ALPL: variants seen among roughly 807,000 people sequenced by gnomAD.
ALPL encodes the protein alkaline phosphatase, tissue-nonspecific isozyme.
ALPL carries 42 observed loss-of-function variants against 51.3 expected under a neutral mutation model. The observed-to-expected ratio is 0.82, with a 90% CI of 0.64 to 1.06. The LOEUF is 1.06. Among genes scored for constraint, ALPL ranks in the 50% least tolerant of loss-of-function variants. The pLI, the probability that ALPL is intolerant of heterozygous loss-of-function variation, is 0.00. For synonymous variants in ALPL, 279 were observed against 296.4 expected, an observed-to-expected ratio of 0.94 and a Z score of 0.60; for missense variants, 589 against 709.4, an observed-to-expected ratio of 0.83 and a Z score of 1.93.
At chr1:21,539,711 G>A (rs1644156411) in intron 1 of ALPL, among the ~76,000 whole-genome samples, 1 of 148,824 alleles carries the variant, frequency 6.7e-6, no homozygotes, top group South Asian at 2.1e-4. Flanking sequence ...CTGGAGTGCA[G>A]TGGCACGATC....
At chr1:21,511,152 C>T (rs1643679913) in intron 1 of ALPL, among the ~76,000 whole-genome samples, 1 of 152,218 alleles carries the variant, frequency 6.6e-6, no homozygotes, top group Non-Finnish European at 1.5e-5. Context: ...CAAAAGCCCT[C>T]TTCTGGATTG....
chr1:21,521,840 A>G (rs1277719032), intron 1 of ALPL, among the ~76,000 whole-genome samples: 2 of 152,092 alleles, frequency 1.3e-5, no homozygotes, highest in Non-Finnish European at 2.9e-5. Context: ...AATTTCTTTA[A>G]TAATAATAAT....
At chr1:21,554,799 G>GTCTTTCTTTCTT (rs1304886870) in intron 2 of ALPL, among the ~76,000 whole-genome samples, 9 of 41,334 alleles carry the variant, frequency 2.2e-4, no homozygotes, top group East Asian at 6.1e-4. Flanking sequence ...CTGTCTGTCT[G>GTCTTTCTTTCTT]TCTGTCTGTC....
intron 1 of ALPL, among the ~76,000 whole-genome samples, chr1:21,528,940 G>T (rs1284664887): frequency 6.6e-6 from 1 of 151,550 alleles, no homozygotes; most frequent in Non-Finnish European, 1.5e-5. Context: ...TGTGGTGGTG[G>T]GCGCCTGTAA....
chr1:21,522,987 A>G (rs142998906), intron 1 of ALPL, among the ~76,000 whole-genome samples: 98 of 152,354 alleles, frequency 6.4e-4, no homozygotes, highest in Non-Finnish European at 1.2e-3. Flanking sequence ...AGCCAGGCTC[A>G]GAAATAAGCT....
Position 21,561,081 on chromosome 1 carries a change from C to A in ALPL, c.182-16C>A. 1 of 1,593,826 alleles carries A rather than the reference C, an allele frequency of 6.3e-7. No homozygotes were observed. On this transcript the variant is annotated splice_polypyrimidine_tract_variant and intron_variant, in intron 3 of 11. Coordinates refer to ENST00000374840, the MANE Select transcript of ALPL (RefSeq NM_000478.6). ...GCAGGAGCACGAGAGACTGAGGCCC[C>A]CACTCCCCACTGCAGGGATGGGTGT...
At chr1:21,542,162 G>C (rs1314881164) in intron 1 of ALPL, among the ~76,000 whole-genome samples, 3 of 152,188 alleles carry the variant, frequency 2.0e-5, no homozygotes, top group African/African-American at 7.2e-5. Context: ...CCTTCCCTAT[G>C]ACTCTGCAGC....
rs569637237 is a variant in ALPL at position 21,518,853 on chromosome 1, G to A, written c.-105+9336G>A. Among the ~76,000 whole-genome samples the A allele has an allele frequency of 3.9e-5, 6 of 152,182 alleles. No homozygotes were observed. The South Asian group carries it at 1.2e-3, about 32-fold the overall frequency. ...GAACTTGGCTTCACTGTGACAGTGG[G>A]ACCACCTGGGCCCTACAGTGTGGCA... On this transcript the variant is annotated intron_variant, in intron 1 of 11. Coordinates refer to ENST00000374840, the MANE Select transcript of ALPL (RefSeq NM_000478.6).
At chr1:21,570,215 G>T in intron 7 of ALPL, 90 bp from the exon 8 acceptor site, 1 of 1,326,096 alleles carries the variant, frequency 7.5e-7, no homozygotes. Flanking sequence ...AAGGAAACAA[G>T]TAAAGGCCTC....
At chr1:21,573,097 G>A (rs920194247) in intron 8 of ALPL, among the ~76,000 whole-genome samples, 8 of 152,200 alleles carry the variant, frequency 5.3e-5, no homozygotes, top group Non-Finnish European at 8.8e-5. Context: ...TCTGTGAAAC[G>A]GGCATGGTGA....
rs769948289 is a variant in ALPL, at chr1:21,568,111, TG to T, written c.662del (p.Gly221ValfsTer56). The T allele has an allele frequency of 5.0e-6, 8 of 1,613,876 alleles. No individual in the cohort carries two copies. The highest frequency in any genetic ancestry group is 1.1e-5 in the South Asian group (1 of 91,072). ...GGCTCCTGTCTCTTTTAGGTGATCATGGGGGGTGGCCGGAAATACATGTACC... is the reference window on the plus strand; with the variant it reads ...GGCTCCTGTCTCTTTTAGGTGATCATGGGGGTGGCCGGAAATACATGTACC... ...MHNIRDIDVI[M>X]GGGRKYMYPK... On this transcript the variant is annotated frameshift_variant, in exon 7 of 12. Coordinates refer to ENST00000374840, the MANE Select transcript of ALPL (RefSeq NM_000478.6). LOFTEE classifies it high-confidence loss of function.
chr1:21,511,376 G>C (rs1643684016), intron 1 of ALPL, among the ~76,000 whole-genome samples: 2 of 152,242 alleles, frequency 1.3e-5, no homozygotes, highest in African/African-American at 4.8e-5. Context: ...CCTCCCATAA[G>C]CTGTGGAGAT....
intron 1 of ALPL, among the ~76,000 whole-genome samples, chr1:21,548,866 C>T (rs1373763344): frequency 6.6e-6 from 1 of 152,144 alleles, no homozygotes; most frequent in Non-Finnish European, 1.5e-5. Context: ...GCATTCTGTC[C>T]GTGGGGGTGG....
intron 1 of ALPL, among the ~76,000 whole-genome samples, chr1:21,513,325 C>T (rs1039463564): frequency 1.9e-4 from 29 of 152,190 alleles, no homozygotes; most frequent in African/African-American, 7.0e-4. Context: ...AAGGCAACCA[C>T]TCTCCTGAAT....
intron 1 of ALPL, among the ~76,000 whole-genome samples, chr1:21,538,313 A>G (rs1012621062): frequency 3.3e-5 from 5 of 151,910 alleles, no homozygotes; most frequent in African/African-American, 1.2e-4. Flanking sequence ...GCCCTGCCCT[A>G]CTATGTCCCA....
intron 1 of ALPL, among the ~76,000 whole-genome samples, chr1:21,528,001 GTTTT>G (rs35639476): frequency 2.3e-4 from 24 of 105,714 alleles, no homozygotes; most frequent in African/African-American, 3.5e-4. Context: ...GTGTGTACGT[GTTTT>G]TTTTTTTTTT....
intron 1 of ALPL, among the ~76,000 whole-genome samples, chr1:21,512,121 A>G (rs2148049760): frequency 6.6e-6 from 1 of 152,296 alleles, no homozygotes; most frequent in African/African-American, 2.4e-5. Context: ...GCACTCAGAA[A>G]TCTCCATGTG....
At chr1:21,567,907 C>T (rs1278340427) in intron 6 of ALPL, among the ~76,000 whole-genome samples, 197 bp from the exon 7 acceptor site, 3 of 152,088 alleles carry the variant, frequency 2.0e-5, no homozygotes, top group African/African-American at 2.4e-5. Context: ...GCCAAACCAC[C>T]GTCCCAATAG....
intron 1 of ALPL, among the ~76,000 whole-genome samples, chr1:21,515,476 C>T (rs1432249426): frequency 6.6e-6 from 1 of 152,126 alleles, no homozygotes; most frequent in Non-Finnish European, 1.5e-5. Context: ...ACAACCTCCG[C>T]CTCCCGGGTT....
Sources: allele counts gnomAD v4.1 joint callset (sites outside exome capture counted in the v4.1 genomes callset), GRCh38; gene constraint gnomAD v4.1.1; transcripts MANE v1.5; gene names NCBI Gene and HGNC (gene_info 2026-07-23, HGNC 2026-07-21).